TBKBP1: variants seen among roughly 807,000 people sequenced by gnomAD.
The protein encoded by TBKBP1 is TANK-binding kinase 1-binding protein 1.
Under a neutral mutation model 69.9 loss-of-function variants are expected in TBKBP1, and 47 were observed. That is an observed-to-expected ratio of 0.67 (90% CI 0.53 to 0.86). The LOEUF (loss-of-function observed/expected upper bound fraction) is 0.86. Among genes scored for constraint, TBKBP1 ranks in the 40% least tolerant of loss-of-function variants. The pLI, the probability that TBKBP1 is intolerant of heterozygous loss-of-function variation, is 0.00. For synonymous variants in TBKBP1, 418 were observed against 390.3 expected (o/e 1.07, Z -0.84); for missense variants, 831 against 858.6 (o/e 0.97, Z 0.40).
chr17:47,695,890 C>T (rs2031209944), intron 1 of TBKBP1, 189 bp from the exon 2 acceptor site: 2 of 476,680 alleles, frequency 4.2e-6, no homozygotes, highest in Admixed American at 3.5e-5. Context: ...AGCCCCTTTT[C>T]CCCAAGGCGG....
intron 9 of TBKBP1, among the ~76,000 whole-genome samples, chr17:47,710,005 GC>G (rs2031865885): frequency 2.0e-5 from 3 of 152,288 alleles, no homozygotes; most frequent in African/African-American, 7.2e-5. Flanking sequence ...AGGCCTCAGA[GC>G]CCTTGCCCTT....
chr17:47,699,812 G>C, intron 7 of TBKBP1, 115 bp downstream of exon 7: 1 of 1,209,194 alleles, frequency 8.3e-7, no homozygotes, highest in African/African-American at 1.5e-5. Flanking sequence ...TTCATAGGAA[G>C]GAGGTGGGGT....
chr17:47,696,704 C>A lies in TBKBP1; in HGVS notation c.226-7C>A. The A allele has an allele frequency of 6.2e-7, 1 of 1,613,800 alleles. No individual in the cohort carries two copies. The highest frequency in any genetic ancestry group is 8.5e-7 in the Non-Finnish European group (1 of 1,179,776). On this transcript the variant is annotated splice_polypyrimidine_tract_variant and splice_region_variant and intron_variant, in intron 2 of 9. Transcript: ENST00000578982. ...TCCACTCTCCTGAAGCTCCACCCCA[C>A]CTGCAGTACCCACTGATCAGTGACT...
chr17:47,709,728 A>G (rs2031857082), intron 9 of TBKBP1, among the ~76,000 whole-genome samples: 1 of 152,196 alleles, frequency 6.6e-6, no homozygotes, highest in Non-Finnish European at 1.5e-5. Context: ...TTTGATTCCA[A>G]ACTCCACCGC....
Position 47,708,932 on chromosome 17 carries a change from C to G in TBKBP1, c.1199C>G (p.Ser400Trp). ...SCPSPVPQRR[S>W]PVPPSCQSPS... Reference sequence around the variant, plus strand: ...CCGTCGCCCGTCCCGCAGCGCCGCTCGCCGGTGCCGCCGTCGTGCCAGTCC... The same window carrying G: ...CCGTCGCCCGTCCCGCAGCGCCGCTGGCCGGTGCCGCCGTCGTGCCAGTCC... Residue 400 changes from serine (S) to tryptophan (W), a missense_variant, in exon 9 of 10, where the codon TCG becomes TGG. By Grantham distance (177) the Ser-to-Trp change is radical (BLOSUM62 -3). Coordinates refer to ENST00000578982, the MANE Select transcript of TBKBP1 (RefSeq NM_001394755.1). This position sits in a 1 kb window ranked among gnomAD's most constrained non-coding sequence, Gnocchi z 4.4. 1 of 1,267,856 alleles carries G rather than the reference C, an allele frequency of 7.9e-7. No individual in the cohort carries two copies. Among genetic ancestry groups the G allele is most frequent in the Non-Finnish European group, 1.0e-6 (1 of 999,510 alleles). 78.5% of individuals were successfully genotyped at this position (1,267,856 alleles called of 1,614,324 possible).
At position 47,696,090 on chromosome 17, in the gene TBKBP1, TGGGCCGC is replaced by T; in HGVS notation, c.-20_-14del. On this transcript the variant is annotated 5_prime_UTR_variant, in exon 2 of 10. Transcript: ENST00000578982. ...TCCTGCTCTCCTAGGAGGCCCCGTG[TGGGCCGC>T]GGCCCGGCCCTCACCATGGAGTCCA... 6.3e-7 allele frequency: 1 copy of T among 1,579,370 alleles called. No homozygotes were observed.
At chr17:47,702,274 G>A (rs993597055) in intron 7 of TBKBP1, among the ~76,000 whole-genome samples, 3 of 152,084 alleles carry the variant, frequency 2.0e-5, no homozygotes, top group South Asian at 2.1e-4. Context: ...AGGCTTTTCC[G>A]GGAGTGGAGT....
rs1443869129 is a variant in TBKBP1 at position 47,708,869 on chromosome 17, C to T, written c.1136C>T (p.Ser379Leu). 5 of 1,423,508 alleles carry T rather than the reference C, an allele frequency of 3.5e-6. No individual in the cohort carries two copies. The highest frequency in any genetic ancestry group is 2.7e-5 in the South Asian group (2 of 73,386). The allele number at this position is 1,423,508 out of a possible 1,614,324, so 88.2% of individuals were successfully genotyped here. The change falls in exon 9 of 10, where the codon TCG (serine) becomes TTG (leucine). Residue 379 changes from serine (S) to leucine (L), a missense_variant. Ser to Leu is a moderately radical substitution (Grantham distance 145, BLOSUM62 -2). Coordinates refer to ENST00000578982, the MANE Select transcript of TBKBP1 (RefSeq NM_001394755.1). The surrounding 1 kb of genome is among the most constrained non-coding windows in gnomAD (Gnocchi z 4.4). ...QRRSPVPPCP[S>L]PQQRRSPASP... Reference sequence around the variant, plus strand: ...CGCTCTCCCGTGCCCCCGTGCCCCTCGCCGCAGCAGCGCCGCTCTCCGGCC... The same window carrying T: ...CGCTCTCCCGTGCCCCCGTGCCCCTTGCCGCAGCAGCGCCGCTCTCCGGCC...
chr17:47,710,443 TG>T, intron 9 of TBKBP1, 54 bp from the exon 10 acceptor site: 1 of 1,576,374 alleles, frequency 6.3e-7, no homozygotes. Flanking sequence ...GGCTGGGATG[TG>T]GGGACCATGG....
At position 47,702,986 on chromosome 17, in the gene TBKBP1, G is replaced by C. The variant is rs531705474; in HGVS notation, c.872+3289G>C. On this transcript the variant is annotated intron_variant, in intron 7 of 9. Transcript: ENST00000578982. ...CCGTGCTGAGGGGGAGGGGAAATGC[G>C]GGGGGGGGAACTTCTTGAAGGGGAT... Among the ~76,000 whole-genome samples the C allele has an allele frequency of 6.2e-3, 736 of 118,946 alleles. 2 individuals carry two copies. The highest frequency in any genetic ancestry group is 0.01 in the Non-Finnish European group (575 of 55,646). The allele number at this position is 118,946 out of a possible 152,430, so 78.0% of individuals were successfully genotyped here.
rs1555623188 is a variant in TBKBP1, at chr17:47,706,869, A to ACACACACG, written c.873-1524_873-1523insACACACGC. Among the ~76,000 whole-genome samples, 3 of 148,372 alleles carry ACACACACG rather than the reference A, an allele frequency of 2.0e-5. No individual in the cohort carries two copies. The East Asian group carries it at 6.0e-4, about 30-fold the overall frequency. ...CACACACACACACACACACACACAC[A>ACACACACG]CGCACACACCCCTACGCTCATTCAC... On this transcript the variant is annotated intron_variant, in intron 7 of 9. Transcript: ENST00000578982.
chr17:47,696,379 A>G (rs1412664559), intron 2 of TBKBP1, 42 bp downstream of exon 2: 2 of 1,589,266 alleles, frequency 1.3e-6, no homozygotes, highest in Middle Eastern at 1.7e-4. Flanking sequence ...AGTGTATGGG[A>G]TGGGGAGGGG....
intron 1 of TBKBP1, chr17:47,695,269 A>G (rs1258289221): frequency 1.3e-5 from 2 of 152,640 alleles, no homozygotes; most frequent in Admixed American, 1.3e-4. Flanking sequence ...GGCCCGAGAG[A>G]AGTACACACG....
In TBKBP1 at chr17:47,710,810, TC is replaced by T; in HGVS notation, c.*186del. 1.2e-6 allele frequency: 1 copy of T among 835,206 alleles called. No homozygotes were observed. The highest frequency in any genetic ancestry group is 1.7e-6 in the Non-Finnish European group (1 of 572,160). The allele number at this position is 835,206 out of a possible 1,614,324, so 51.7% of individuals were successfully genotyped here. ...CCAGGCACCACTCAGCTCTGGCTCTTCCTGGGAGGTCAGCCGAGGCTCCCCC... is the reference window on the plus strand; with the variant it reads ...CCAGGCACCACTCAGCTCTGGCTCTTCTGGGAGGTCAGCCGAGGCTCCCCC... On this transcript the variant is annotated 3_prime_UTR_variant, in exon 10 of 10. Transcript: ENST00000578982.
Position 47,696,323 on chromosome 17 carries a change from G to T in TBKBP1, c.211G>T (p.Val71Phe). The part of the protein sequence containing the change: ...ENATLRRRLK[V>F]YEIKYPLISD... The stretch of plus-strand genomic sequence containing the variant: ...CGCCACCCTCCGACGCCGCCTCAAA[G>T]TCTACGAGATCAAGGTCAGAACTTG... Residue 71 changes from valine to phenylalanine, a missense_variant, in exon 2 of 10, where the codon GTC becomes TTC. By Grantham distance (50) the Val-to-Phe change is conservative. Transcript: ENST00000578982. The T allele has an allele frequency of 6.2e-7, 1 of 1,613,034 alleles. No individual in the cohort carries two copies. The highest frequency in any genetic ancestry group is 8.5e-7 in the Non-Finnish European group (1 of 1,179,848).
chr17:47,696,445 T>C, intron 2 of TBKBP1, 108 bp downstream of exon 2: 1 of 1,327,804 alleles, frequency 7.5e-7, no homozygotes, highest in Non-Finnish European at 1.0e-6. Context: ...GTGCAGACTC[T>C]TGGGAACTTG....
Position 47,709,252 on chromosome 17 carries a change from C to T in TBKBP1, c.1519C>T (p.Arg507Cys), listed in dbSNP as rs759915356. The T allele has an allele frequency of 1.3e-6, 2 of 1,522,156 alleles. No individual in the cohort carries two copies. Among genetic ancestry groups the T allele is most frequent in the Non-Finnish European group, 1.7e-6 (2 of 1,143,520 alleles). 94.3% of individuals were successfully genotyped at this position (1,522,156 alleles called of 1,614,324 possible). A position where few individuals can be genotyped will look rare whatever the true frequency, so the allele number is the denominator to read the frequency against. ...CCCTGGCAGGCCCCTCAGCCCGCGG[C>T]GCGCCTTCGAGGGCATCCGGCTGCG... ...YGPGRPLSPRRAFEGIRLRFE... is the reference protein window; with the variant it reads ...YGPGRPLSPRCAFEGIRLRFE... Residue 507 changes from arginine to cysteine, a missense_variant, in exon 9 of 10, where the codon CGC becomes TGC. Transcript: ENST00000578982.
In TBKBP1 at chr17:47,710,710, G is replaced by C. The variant is rs188825452; in HGVS notation, c.*84G>C. 2.6e-6 allele frequency: 4 copies of C among 1,525,160 alleles called. No homozygotes were observed. The African/African-American group carries it at 5.5e-5, about 21-fold the overall frequency. 94.5% of individuals were successfully genotyped at this position (1,525,160 alleles called of 1,614,324 possible). A position where few individuals can be genotyped will look rare whatever the true frequency, so the allele number is the denominator to read the frequency against. ...ACTTTGAATGCTGCATGAATCTCGT[G>C]GGGGGTCCCTGCCCTTGCGACCCCC... On this transcript the variant is annotated 3_prime_UTR_variant, in exon 10 of 10. Coordinates refer to ENST00000578982, the MANE Select transcript of TBKBP1 (RefSeq NM_001394755.1).
Position 47,709,227 on chromosome 17 carries a change from C to T in TBKBP1, c.1494C>T (p.Gly498=). 2 of 1,526,008 alleles carry T rather than the reference C, an allele frequency of 1.3e-6. No homozygotes were observed. The highest frequency in any genetic ancestry group is 1.2e-5 in the South Asian group (1 of 82,320). 94.5% of individuals were successfully genotyped at this position (1,526,008 alleles called of 1,614,324 possible). A position where few individuals can be genotyped will look rare whatever the true frequency, so the allele number is the denominator to read the frequency against. The change falls in exon 9 of 10, where the codon GGC becomes GGT. Residue 498 remains glycine (G), a synonymous_variant. Coordinates refer to ENST00000578982, the MANE Select transcript of TBKBP1 (RefSeq NM_001394755.1). The part of the protein sequence containing the change: ...KPRAYGSELY[G]PGRPLSPRRA... ...GGGCCTACGGCAGCGAGCTCTACGG[C>T]CCTGGCAGGCCCCTCAGCCCGCGGC...
Sources: gnomAD v4.1 joint callset for allele counts (sites outside exome capture counted in the v4.1 genomes callset) on GRCh38, gnomAD v4.1.1 for gene constraint, Gnocchi (gnomAD v3.1) non-coding constraint, MANE v1.5 for transcripts, NCBI Gene and HGNC (gene_info 2026-07-23, HGNC 2026-07-21) for gene names.